The following CTNNA3 variants were observed in gnomAD, a reference collection of about 807,000 sequenced individuals.
CTNNA3 encodes the protein catenin alpha-3.
Under a neutral mutation model 95.7 loss-of-function variants are expected in CTNNA3, and 76 were observed. The observed-to-expected ratio is 0.79, with a 90% CI of 0.66 to 0.96. The LOEUF is 0.96. Ranked by LOEUF, CTNNA3 falls within the 40% of genes least tolerant of loss-of-function variation. The probability of loss-of-function intolerance (pLI) is 0.00; values close to 1 mark genes in which losing one functional copy is unlikely to be tolerated. For synonymous variants in CTNNA3, 431 were observed against 374.4 expected (o/e 1.15, Z -1.74); for missense variants, 1,191 against 1,089.8 (o/e 1.09, Z -1.31).
intron 11 of CTNNA3, among the ~76,000 whole-genome samples, chr10:66,398,611 C>G (rs2092997450): frequency 2.0e-5 from 3 of 151,786 alleles, no homozygotes; most frequent in South Asian, 4.2e-4. Flanking sequence ...GGCAAAAACA[C>G]TGATAGAAAT....
chr10:66,540,612 G>GTCCCC (rs1203402063), intron 10 of CTNNA3, among the ~76,000 whole-genome samples: 1 of 151,716 alleles, frequency 6.6e-6, no homozygotes, highest in African/African-American at 2.4e-5. Flanking sequence ...GTATCTTTAG[G>GTCCCC]TCCCCTCCCC....
At chr10:66,564,677 C>T (rs10997235) in intron 10 of CTNNA3, among the ~76,000 whole-genome samples, 7,213 of 152,224 alleles carry the variant, frequency 0.047, 492 homozygotes, top group East Asian at 0.33. Flanking sequence ...CTTATGCTAT[C>T]ATATCCTGAC....
chr10:67,419,206 T>C (rs1240538655), intron 5 of CTNNA3, among the ~76,000 whole-genome samples: 1 of 151,896 alleles, frequency 6.6e-6, no homozygotes, highest in East Asian at 1.9e-4. Flanking sequence ...TGAGAAACAC[T>C]TAAAAAACAA....
At position 66,927,190 on chromosome 10, in the gene CTNNA3, C is replaced by A. The variant is rs764904513; in HGVS notation, c.1048-151666G>T. 6.2e-7 allele frequency: 1 copy of A among 1,614,168 alleles called. No homozygotes were observed. The highest frequency in any genetic ancestry group is 1.1e-5 in the South Asian group (1 of 91,080). On this transcript the variant is annotated intron_variant, in intron 7 of 17. Coordinates refer to ENST00000433211, the MANE Select transcript of CTNNA3 (RefSeq NM_013266.4). This position sits in a 1 kb window ranked among gnomAD's most constrained non-coding sequence, Gnocchi z 4.7. ...GCTCAACCAGCTCACCTGGCTATAC[C>A]TTGACCATAACCATATCAGCAATAT... is the stretch of plus-strand genomic sequence containing the variant.
intron 9 of CTNNA3, among the ~76,000 whole-genome samples, chr10:66,706,259 C>A (rs995357471): frequency 2.6e-5 from 4 of 151,930 alleles, no homozygotes; most frequent in Non-Finnish European, 5.9e-5. Context: ...TTCATTCTTC[C>A]TTTTCTTCTT....
chr10:67,078,853 A>G (rs1297996116), intron 7 of CTNNA3, among the ~76,000 whole-genome samples: 1 of 152,212 alleles, frequency 6.6e-6, no homozygotes, highest in African/African-American at 2.4e-5. Context: ...CTCAAACTTC[A>G]GAGCAAGGTT....
chr10:66,816,380 TA>T (rs1214095015), intron 7 of CTNNA3, among the ~76,000 whole-genome samples: 1 of 152,040 alleles, frequency 6.6e-6, no homozygotes, highest in African/African-American at 2.4e-5. Context: ...ACACTCCAAT[TA>T]AAAGGCAAAA....
chr10:66,663,110 T>C (rs1049683437), intron 9 of CTNNA3, among the ~76,000 whole-genome samples: 3 of 152,110 alleles, frequency 2.0e-5, no homozygotes, highest in African/African-American at 7.2e-5. Flanking sequence ...AGAGCTATTA[T>C]AATAAAGTAC....
chr10:67,413,968 T>C (rs540464513), intron 5 of CTNNA3, among the ~76,000 whole-genome samples: 10 of 152,048 alleles, frequency 6.6e-5, no homozygotes, highest in Non-Finnish European at 1.5e-4. Flanking sequence ...CCTAAATGCC[T>C]TCATCAAGAA....
chr10:67,230,693 A>G (rs1413772844), intron 5 of CTNNA3, among the ~76,000 whole-genome samples: 1 of 152,258 alleles, frequency 6.6e-6, no homozygotes, highest in South Asian at 2.1e-4. Flanking sequence ...GAATAGGAAC[A>G]GCTCGGTCTA....
chr10:67,491,944 T>C (rs1354116929), intron 5 of CTNNA3, among the ~76,000 whole-genome samples: 1 of 152,012 alleles, frequency 6.6e-6, no homozygotes, highest in Non-Finnish European at 1.5e-5. Context: ...ATATAATACG[T>C]TTAAATTTTG....
intron 5 of CTNNA3, among the ~76,000 whole-genome samples, chr10:67,251,257 T>G (rs1441442893): frequency 6.6e-6 from 1 of 152,154 alleles, no homozygotes; most frequent in Non-Finnish European, 1.5e-5. Flanking sequence ...ATGAGTTAGT[T>G]TCTATGAAAT....
At chr10:67,621,092 G>A (rs1843830487) in intron 2 of CTNNA3, among the ~76,000 whole-genome samples, 1 of 151,948 alleles carries the variant, frequency 6.6e-6, no homozygotes, top group Admixed American at 6.6e-5. Flanking sequence ...CAGCATAACA[G>A]TTCTGACATG....
intron 15 of CTNNA3, among the ~76,000 whole-genome samples, chr10:66,064,381 C>T (rs1044010097): frequency 6.6e-6 from 1 of 152,126 alleles, no homozygotes; most frequent in African/African-American, 2.4e-5. Flanking sequence ...TTTTACCAAG[C>T]CTTCTTTGAA....
intron 7 of CTNNA3, among the ~76,000 whole-genome samples, chr10:67,065,127 G>C (rs1032325565): frequency 3.9e-5 from 6 of 152,112 alleles, no homozygotes; most frequent in South Asian, 2.1e-4. Context: ...GAAATTCAAG[G>C]CACCATGGTT....
intron 17 of CTNNA3, among the ~76,000 whole-genome samples, chr10:65,963,840 T>C (rs900364962): frequency 2.6e-5 from 4 of 152,206 alleles, no homozygotes; most frequent in Non-Finnish European, 5.9e-5. Context: ...TTTAATTAAA[T>C]GGTGTATTAT....
intron 9 of CTNNA3, among the ~76,000 whole-genome samples, chr10:66,732,813 A>G (rs1442074494): frequency 6.6e-6 from 1 of 151,962 alleles, no homozygotes; most frequent in Non-Finnish European, 1.5e-5. Context: ...TTTTTTTTAA[A>G]GAAACAGATT....
chr10:66,630,730 A>G (rs1845103675), intron 9 of CTNNA3, among the ~76,000 whole-genome samples: 1 of 151,642 alleles, frequency 6.6e-6, no homozygotes, highest in Admixed American at 6.6e-5. Context: ...TCTTTCTCCT[A>G]GTGAAGCAGC....
intron 7 of CTNNA3, among the ~76,000 whole-genome samples, chr10:67,011,699 A>AC: frequency 6.6e-6 from 1 of 152,320 alleles, no homozygotes; most frequent in Admixed American, 6.5e-5. Flanking sequence ...GCTTACATGT[A>AC]CCAGGTACTT....
Sources: allele counts gnomAD v4.1 joint callset (sites outside exome capture counted in the v4.1 genomes callset), GRCh38; gene constraint gnomAD v4.1.1; non-coding constraint Gnocchi (gnomAD v3.1); transcripts MANE v1.5; gene names NCBI Gene and HGNC (gene_info 2026-07-23, HGNC 2026-07-21).